Variants in AKAP10 observed in about 807,000 individuals in gnomAD.
The protein encoded by AKAP10 is A-kinase anchor protein 10, mitochondrial.
A neutral mutation model predicts 80.8 loss-of-function variants in AKAP10; 24 were observed. That is an observed-to-expected ratio of 0.30 (90% CI 0.22 to 0.42). The LOEUF (loss-of-function observed/expected upper bound fraction) is 0.42. Ranked by LOEUF, AKAP10 falls within the 10% of genes least tolerant of loss-of-function variation. The pLI, the probability that AKAP10 is intolerant of heterozygous loss-of-function variation, is 1.00. For missense variants in AKAP10, 661 were observed against 794.9 expected (o/e 0.83, Z 2.03); for synonymous variants, 291 against 277.7 (o/e 1.05, Z -0.48).
intron 13 of AKAP10, 78 bp from the exon 14 acceptor site, chr17:19,909,354 A>T (rs2042665862): frequency 1.6e-6 from 2 of 1,286,698 alleles, no homozygotes; most frequent in Non-Finnish European, 1.1e-6. Flanking sequence ...TGCTCTTAAC[A>T]AATGGCTTAC....
At chr17:19,970,974 C>T (rs2043489657) in intron 1 of AKAP10, among the ~76,000 whole-genome samples, 1 of 152,002 alleles carries the variant, frequency 6.6e-6, no homozygotes, top group East Asian at 2.0e-4. Context: ...TGATAACACT[C>T]GAACTCCTGG....
intron 9 of AKAP10, among the ~76,000 whole-genome samples, chr17:19,935,771 G>A (rs530436681): frequency 5.9e-5 from 9 of 152,128 alleles, no homozygotes; most frequent in African/African-American, 1.9e-4. Flanking sequence ...GCATGGAGCC[G>A]TCATCTCCTT....
At chr17:19,927,345 C>A (rs139149755) in intron 10 of AKAP10, among the ~76,000 whole-genome samples, 23 of 151,542 alleles carry the variant, frequency 1.5e-4, no homozygotes, top group Non-Finnish European at 2.7e-4. Context: ...AAAAAACAAA[C>A]AAACAAACAA....
At chr17:19,914,537 G>C (rs2042723686) in intron 12 of AKAP10, among the ~76,000 whole-genome samples, 1 of 149,450 alleles carries the variant, frequency 6.7e-6, no homozygotes, top group African/African-American at 2.5e-5. Context: ...AGCTACTCGA[G>C]AGGCTGAGGT....
chr17:19,905,420 G>A lies in AKAP10; in HGVS notation c.*807C>T, dbSNP rs1218608854. ...CCACAGGGGCAAAAGTGGAGTCATC[G>A]CTATTTCTTTCTTTCTTTCCACATG... On this transcript the variant is annotated 3_prime_UTR_variant, in exon 15 of 15. Coordinates refer to ENST00000225737, the MANE Select transcript of AKAP10 (RefSeq NM_007202.4). The A allele has an allele frequency of 2.0e-5, 3 of 152,138 alleles. No homozygotes were observed. The highest frequency in any genetic ancestry group is 4.8e-5 in the African/African-American group (2 of 41,494). 9.4% of individuals were successfully genotyped at this position (152,138 alleles called of 1,614,324 possible).
intron 12 of AKAP10, among the ~76,000 whole-genome samples, chr17:19,914,197 C>T (rs982473201): frequency 6.6e-6 from 1 of 152,102 alleles, no homozygotes; most frequent in African/African-American, 2.4e-5. Context: ...GACAGGGTCT[C>T]ACTTTGTTGC....
chr17:19,932,402 G>A (rs866647292), intron 9 of AKAP10, among the ~76,000 whole-genome samples: 17 of 147,628 alleles, frequency 1.2e-4, no homozygotes, highest in South Asian at 2.1e-4. Context: ...GCAGTGAGCC[G>A]AGATTGCACC....
At chr17:19,907,304 C>T (rs1403614991) in intron 14 of AKAP10, among the ~76,000 whole-genome samples, 1 of 152,148 alleles carries the variant, frequency 6.6e-6, no homozygotes, top group Non-Finnish European at 1.5e-5. Context: ...TAGACGTGAG[C>T]TACCACGCCC....
At chr17:19,929,999 C>CAAAAAAAAAAAAAAAAAAAAAA (rs11365343) in intron 10 of AKAP10, among the ~76,000 whole-genome samples, 1 of 81,846 alleles carries the variant, frequency 1.2e-5, no homozygotes, top group African/African-American at 4.1e-5. Context: ...CAACAAAAAC[C>CAAAAAAAAAAAAAAAAAAAAAA]AAAAAAAAAA....
At chr17:19,967,519 G>C (rs1351112021) in intron 2 of AKAP10, among the ~76,000 whole-genome samples, 1 of 152,174 alleles carries the variant, frequency 6.6e-6, no homozygotes, top group Non-Finnish European at 1.5e-5. Flanking sequence ...ACAATTAAAT[G>C]TGTGATTAAT....
At chr17:19,961,178 C>CAA (rs776903538) in intron 3 of AKAP10, among the ~76,000 whole-genome samples, 1,200 of 55,462 alleles carry the variant, frequency 0.022, 18 homozygotes, top group African/African-American at 0.06. Context: ...CCCGTCTCTA[C>CAA]AAAAAAAAAA....
chr17:19,954,063 T>A (rs113094939), intron 4 of AKAP10, among the ~76,000 whole-genome samples: 1 of 152,094 alleles, frequency 6.6e-6, no homozygotes, highest in Non-Finnish European at 1.5e-5. Context: ...TAGGCCCAGA[T>A]GGCATCACTT....
chr17:19,909,063 G>A, intron 14 of AKAP10, 118 bp downstream of exon 14: 1 of 753,798 alleles, frequency 1.3e-6, no homozygotes, highest in Non-Finnish European at 2.0e-6. Flanking sequence ...CTTATGATAA[G>A]AAGGTAATCC....
At chr17:19,963,399 A>G (rs1208782227) in intron 2 of AKAP10, among the ~76,000 whole-genome samples, 2 of 151,970 alleles carry the variant, frequency 1.3e-5, no homozygotes, top group African/African-American at 4.8e-5. Context: ...TTCTAATATT[A>G]TTTATAATTC....
At position 19,952,493 on chromosome 17, in the gene AKAP10, A is replaced by C. The variant is rs1371096207; in HGVS notation, c.878-4988T>G. Among the ~76,000 whole-genome samples, 9 of 151,824 alleles carry C rather than the reference A, an allele frequency of 5.9e-5. No individual in the cohort carries two copies. In the East Asian group the frequency reaches 1.3e-3, roughly 23 times the overall value. ...AAATAAATAAATAAATAAATAAATA[A>C]ATAAATAAATAACACTACCCAACTA... is the stretch of plus-strand genomic sequence containing the variant. On this transcript the variant is annotated intron_variant, in intron 4 of 14. Transcript: ENST00000225737.
At position 19,911,835 on chromosome 17, in the gene AKAP10, C is replaced by CAAAAAAAAAAAAAAAAAAAAAAAAAAAA. The variant is rs71157844; in HGVS notation, c.1835-1885_1835-1858dup. 3.6e-5 allele frequency among the ~76,000 whole-genome samples: 2 copies of CAAAAAAAAAAAAAAAAAAAAAAAAAAAA among 54,984 alleles called. 1 individual carries two copies. The highest frequency in any genetic ancestry group is 7.1e-5 in the Non-Finnish European group (2 of 28,194). 36.1% of individuals were successfully genotyped at this position (54,984 alleles called of 152,430 possible). ...CGGCAACAAGAGCAAAACTCTGTCA[C>CAAAAAAAAAAAAAAAAAAAAAAAAAAAA]AAAAAAAAAAAAAAAAAAAAAAAAA... On this transcript the variant is annotated intron_variant, in intron 12 of 14. Transcript: ENST00000225737.
rs780206886 is a variant in AKAP10, at chr17:19,958,211, T to C, written c.680A>G (p.Asn227Ser). 2 of 1,614,214 alleles carry C rather than the reference T, an allele frequency of 1.2e-6. No individual in the cohort carries two copies. The highest frequency in any genetic ancestry group is 8.5e-7 in the Non-Finnish European group (1 of 1,180,044). ...MTHSEGIDLN[N>S]RTNSTQNHLL... is the part of the protein sequence containing the mutation. ...GTGATTCTGAGTGCTGTTAGTTCTA[T>C]TATTCAGGTCAATTCCTTCTGAATG... Residue 227 changes from asparagine to serine, a missense_variant, in exon 4 of 15, where the codon AAT becomes AGT. Transcript: ENST00000225737.
intron 9 of AKAP10, 114 bp from the exon 10 acceptor site, chr17:19,932,092 A>C: frequency 2.1e-6 from 2 of 969,708 alleles, no homozygotes; most frequent in African/African-American, 1.6e-5. Flanking sequence ...ACTACCTATA[A>C]CAAATGTTTT....
At chr17:19,976,218 G>A (rs1408898362) in intron 1 of AKAP10, among the ~76,000 whole-genome samples, 1 of 151,978 alleles carries the variant, frequency 6.6e-6, no homozygotes, top group African/African-American at 2.4e-5. Flanking sequence ...TGGCCGCGGT[G>A]GCTCATGCCT....
Sources: gnomAD v4.1 joint callset for allele counts (sites outside exome capture counted in the v4.1 genomes callset) on GRCh38, gnomAD v4.1.1 for gene constraint, MANE v1.5 for transcripts, NCBI Gene and HGNC (gene_info 2026-07-23, HGNC 2026-07-21) for gene names.